The following P2RX1 variants were observed in gnomAD, a reference collection of about 807,000 sequenced individuals.
P2RX1 encodes purinergic receptor P2X 1, also known as P2X purinoceptor 1.
In P2RX1, 42 loss-of-function variants were observed where a neutral mutation model predicts 50.3. The observed-to-expected ratio is 0.83, with a 90% CI of 0.65 to 1.08. The LOEUF is 1.08. P2RX1 is among the 50% of genes least tolerant of loss of function. The pLI is 0.00. For synonymous variants in P2RX1, 199 were observed against 202.6 expected (o/e 0.98, Z 0.15); for missense variants, 449 against 529.0 (o/e 0.85, Z 1.48).
Position 3,899,007 on chromosome 17 carries a change from A to G in P2RX1, c.893T>C (p.Val298Ala). ...GTGACGGTAGTTGGTCCCGTTCTCC[A>G]CAAAGTGCCTGGCAAACCTTGGGGA... ...GFNFRFARHF[V>A]ENGTNYRHLF... Residue 298 changes from valine to alanine, a missense_variant, in exon 9 of 12, where the codon GTG becomes GCG. Physicochemically the swap from Val to Ala is moderately conservative, Grantham distance 64. Coordinates refer to ENST00000225538, the MANE Select transcript of P2RX1 (RefSeq NM_002558.4). The G allele has an allele frequency of 1.9e-6, 3 of 1,612,996 alleles. No homozygotes were observed. Among genetic ancestry groups the G allele is most frequent in the Non-Finnish European group, 2.5e-6 (3 of 1,179,588 alleles).
Position 3,897,650 on chromosome 17 carries a change from A to G in P2RX1, c.*164T>C, listed in dbSNP as rs2056054983. ...GGTCGGAGCCGGAGCTCAGATTTGC[A>G]CAGGTCTCTCCTACTATGCACCCTG... On this transcript the variant is annotated 3_prime_UTR_variant, in exon 12 of 12. Coordinates refer to ENST00000225538, the MANE Select transcript of P2RX1 (RefSeq NM_002558.4). The G allele has an allele frequency of 2.5e-5, 17 of 679,180 alleles. No homozygotes were observed. The South Asian group carries it at 2.6e-4, about 10-fold the overall frequency. The allele number at this position is 679,180 out of a possible 1,614,324, so 42.1% of individuals were successfully genotyped here.
intron 1 of P2RX1, among the ~76,000 whole-genome samples, chr17:3,908,333 G>C (rs147338927): frequency 6.6e-6 from 1 of 152,310 alleles, no homozygotes; most frequent in East Asian, 1.9e-4. Flanking sequence ...GGCCAAGGCA[G>C]GTGGATCACC....
At chr17:3,899,591 A>G (rs770964692) in intron 8 of P2RX1, 43 bp downstream of exon 8, 53 of 1,608,896 alleles carry the variant, frequency 3.3e-5, no homozygotes, top group Non-Finnish European at 4.4e-5. Flanking sequence ...AAAAGCCCGC[A>G]GGACCACAAG....
Position 3,904,882 on chromosome 17 carries a change from C to T in P2RX1, c.333G>A (p.Lys111=). The part of the protein sequence containing the change: ...VVMTNFIVTP[K]QTQGYCAEHP... Reference sequence around the variant, plus strand: ...CCTCTGCGCAGTAGCCTTGAGTCTGCTTCGGGGTCACGATGAAATTGGTCA... The same window carrying T: ...CCTCTGCGCAGTAGCCTTGAGTCTGTTTCGGGGTCACGATGAAATTGGTCA... Residue 111 remains lysine (K), a synonymous_variant, in exon 3 of 12, where the codon AAG becomes AAA. Coordinates refer to ENST00000225538, the MANE Select transcript of P2RX1 (RefSeq NM_002558.4). The T allele has an allele frequency of 1.3e-6, 2 of 1,514,088 alleles. No homozygotes were observed. Among genetic ancestry groups the T allele is most frequent in the Non-Finnish European group, 1.8e-6 (2 of 1,121,704 alleles). The allele number at this position is 1,514,088 out of a possible 1,614,324, so 93.8% of individuals were successfully genotyped here. A position where few individuals can be genotyped will look rare whatever the true frequency, so the allele number is the denominator to read the frequency against.
chr17:3,904,150 GT>G (rs2056211176), intron 4 of P2RX1, 126 bp from the exon 5 acceptor site: 1 of 1,013,678 alleles, frequency 9.9e-7, no homozygotes, highest in Admixed American at 1.9e-5. Flanking sequence ...ACGTGGCTGG[GT>G]CCCGGACGGG....
Position 3,898,140 on chromosome 17 carries a change from G to C in P2RX1, c.1033-30C>G, listed in dbSNP as rs149912938. ...GGTCAGGGAAGGGCACGGAGACAGCGTGGGAATCCGGGGGTGGGTACGGAG... is the reference window on the plus strand; with the variant it reads ...GGTCAGGGAAGGGCACGGAGACAGCCTGGGAATCCGGGGGTGGGTACGGAG... On this transcript the variant is annotated intron_variant, in intron 10 of 11. Coordinates refer to ENST00000225538, the MANE Select transcript of P2RX1 (RefSeq NM_002558.4). The C allele has an allele frequency of 2.5e-6, 4 of 1,586,354 alleles. No individual in the cohort carries two copies. In the South Asian group the frequency reaches 4.4e-5, roughly 18 times the overall value.
At chr17:3,904,583 G>C (rs1177244920) in intron 3 of P2RX1, 184 bp from the exon 4 acceptor site, 13 of 661,180 alleles carry the variant, frequency 2.0e-5, no homozygotes, top group Non-Finnish European at 3.1e-5. Context: ...GGCGCCCCCC[G>C]GGCTCATGCC....
chr17:3,909,578 G>A (rs1427344630), intron 1 of P2RX1, among the ~76,000 whole-genome samples: 1 of 152,136 alleles, frequency 6.6e-6, no homozygotes, highest in Non-Finnish European at 1.5e-5. Context: ...CGGGTGTGGT[G>A]GCTCAGGCCT....
intron 1 of P2RX1, among the ~76,000 whole-genome samples, chr17:3,909,435 C>T (rs1044837943): frequency 6.6e-6 from 1 of 152,236 alleles, no homozygotes; most frequent in Non-Finnish European, 1.5e-5. Context: ...ACAAATTCCT[C>T]TTTCAATGTT....
At chr17:3,904,421 G>A (rs1472779855) in intron 3 of P2RX1, 22 bp from the exon 4 acceptor site, 2 of 1,608,952 alleles carry the variant, frequency 1.2e-6, no homozygotes, top group African/African-American at 2.7e-5. Flanking sequence ...AAAAGCTGCT[G>A]GTCCCAGGCC....
rs929109525 is a variant in P2RX1 at position 3,911,306 on chromosome 17, TC to T, written c.137+4782del. 9.9e-5 allele frequency among the ~76,000 whole-genome samples: 15 copies of T among 151,916 alleles called. 1 individual carries two copies. Among genetic ancestry groups the T allele is most frequent in the Non-Finnish European group, 1.6e-4 (11 of 67,950 alleles). On this transcript the variant is annotated intron_variant, in intron 1 of 11. Transcript: ENST00000225538. ...CCCGGTCTGTTTTTCTTTCTTTCTTTCTTTCTTTTTTTTTGAATACGTCACC... is the reference window on the plus strand; with the variant it reads ...CCCGGTCTGTTTTTCTTTCTTTCTTTTTTCTTTTTTTTTGAATACGTCACC...
chr17:3,912,328 TG>T (rs1240742732), intron 1 of P2RX1, among the ~76,000 whole-genome samples: 1 of 149,006 alleles, frequency 6.7e-6, no homozygotes, highest in Non-Finnish European at 1.5e-5. Context: ...TTTATTTGTT[TG>T]TTTTTTTATT....
chr17:3,912,048 G>A (rs999065295), intron 1 of P2RX1, among the ~76,000 whole-genome samples: 15 of 152,330 alleles, frequency 9.8e-5, no homozygotes, highest in African/African-American at 3.6e-4. Flanking sequence ...AGCTGCTGGT[G>A]GCCGTTTCAC....
chr17:3,908,850 G>C (rs2056313500), intron 1 of P2RX1, among the ~76,000 whole-genome samples: 2 of 152,350 alleles, frequency 1.3e-5, no homozygotes, highest in East Asian at 1.9e-4. Context: ...CTCCCCAGCT[G>C]TGTGGCTTCA....
chr17:3,905,904 C>T (rs962683708), intron 1 of P2RX1, among the ~76,000 whole-genome samples: 78 of 151,520 alleles, frequency 5.1e-4, no homozygotes, highest in African/African-American at 1.8e-3. Context: ...ATACTCTTTC[C>T]AATCCTTTTC....
intron 1 of P2RX1, chr17:3,915,497 G>A: frequency 2.2e-6 from 1 of 456,566 alleles, no homozygotes. Context: ...CAGGTCCGGA[G>A]ATGCCCAGAA....
At position 3,903,391 on chromosome 17, in the gene P2RX1, G is replaced by A; in HGVS notation, c.606-48C>T. ...CAGCTGCTGTGTGTCATCCGGGAGG[G>A]TGCCCACCACGCCCCAAAGCCTGGG... On this transcript the variant is annotated intron_variant, in intron 6 of 11. Transcript: ENST00000225538. The surrounding 1 kb of genome is among the most constrained non-coding windows in gnomAD (Gnocchi z 4.6). The A allele has an allele frequency of 6.2e-7, 1 of 1,612,658 alleles. No homozygotes were observed. Among genetic ancestry groups the A allele is most frequent in the Non-Finnish European group, 8.5e-7 (1 of 1,179,550 alleles).
chr17:3,901,297 G>C (rs1369935382), intron 7 of P2RX1, among the ~76,000 whole-genome samples: 1 of 152,226 alleles, frequency 6.6e-6, no homozygotes, highest in Non-Finnish European at 1.5e-5. Context: ...TCGATCTCCT[G>C]ACCTCGTGAT....
At chr17:3,909,255 C>T (rs1023170194) in intron 1 of P2RX1, among the ~76,000 whole-genome samples, 14 of 152,082 alleles carry the variant, frequency 9.2e-5, no homozygotes, top group Non-Finnish European at 2.1e-4. Flanking sequence ...TGGTCTGGAA[C>T]TCCTGACCTC....
Sources: gnomAD v4.1 joint callset for allele counts (sites outside exome capture counted in the v4.1 genomes callset) on GRCh38, gnomAD v4.1.1 for gene constraint, Gnocchi (gnomAD v3.1) non-coding constraint, MANE v1.5 for transcripts, NCBI Gene and HGNC (gene_info 2026-07-23, HGNC 2026-07-21) for gene names.